UBR3: variants seen among roughly 807,000 people sequenced by gnomAD.
UBR3 encodes the protein ubiquitin protein ligase E3 component n-recognin 3.
A neutral mutation model predicts 243.2 loss-of-function variants in UBR3; 85 were observed. That is an observed-to-expected ratio of 0.35 (90% confidence interval 0.29 to 0.42). The LOEUF (loss-of-function observed/expected upper bound fraction) is 0.42, where lower values mean the gene tolerates loss of function less well. Among genes scored for constraint, UBR3 ranks in the 10% least tolerant of loss-of-function variants. UBR3 has a pLI of 1.00. For missense variants in UBR3, 1,686 were observed against 2,300.8 expected (o/e 0.73, Z 5.47); for synonymous variants, 748 against 799.8 (o/e 0.94, Z 1.09).
intron 20 of UBR3, among the ~76,000 whole-genome samples, chr2:169,945,348 T>C (rs180936231): frequency 1.3e-5 from 2 of 152,270 alleles, no homozygotes; most frequent in Admixed American, 1.3e-4. Context: ...CAGATGAATA[T>C]AGAAGCCCTC....
intron 35 of UBR3, 66 bp downstream of exon 35, chr2:170,061,509 C>T (rs1044916238): frequency 7.0e-5 from 111 of 1,579,398 alleles, no homozygotes; most frequent in Non-Finnish European, 9.0e-5. Flanking sequence ...TCTCTGTTGC[C>T]CAGACTGGAG....
chr2:169,906,095 T>A lies in UBR3; in HGVS notation c.1710T>A (p.Ala570=). 2.6e-6 allele frequency: 4 copies of A among 1,551,704 alleles called. No homozygotes were observed. The South Asian group carries it at 4.8e-5, about 18-fold the overall frequency. Residue 570 remains alanine (A), a synonymous_variant, in exon 10 of 39, where the codon GCT becomes GCA. Transcript: ENST00000272793. ...AATTTGAGTCTCAGACCTACTATGC[T>A]GCCTTTGCTGCTGAACTTGAGGCCT... ...HVEFESQTYY[A]AFAAELEACA...
At chr2:169,961,327 A>G (rs1293948422) in intron 24 of UBR3, among the ~76,000 whole-genome samples, 1 of 151,562 alleles carries the variant, frequency 6.6e-6, no homozygotes, top group Non-Finnish European at 1.5e-5. Flanking sequence ...TTATTGGGGT[A>G]CCAATTCAAG....
intron 31 of UBR3, among the ~76,000 whole-genome samples, chr2:170,035,334 T>G (rs1263970715): frequency 2.0e-5 from 3 of 152,078 alleles, no homozygotes; most frequent in Non-Finnish European, 4.4e-5. Flanking sequence ...TTTAGTTAAT[T>G]TTTGTGAAGG....
chr2:170,073,298 C>CT, intron 35 of UBR3, 130 bp from the exon 36 acceptor site: 5 of 1,028,984 alleles, frequency 4.9e-6, no homozygotes, highest in Non-Finnish European at 7.2e-6. Context: ...ACTCCCTTCA[C>CT]TTTTTTTCAG....
At position 170,082,450 on chromosome 2, in the gene UBR3, T is replaced by C. The variant is rs536072254; in HGVS notation, c.*607T>C. The C allele has an allele frequency of 6.6e-6, 1 of 152,546 alleles. No homozygotes were observed. The highest frequency in any genetic ancestry group is 6.6e-5 in the Admixed American group (1 of 15,258). 9.4% of individuals were successfully genotyped at this position (152,546 alleles called of 1,614,324 possible). A position where few individuals can be genotyped will look rare whatever the true frequency, so the allele number is the denominator to read the frequency against. The stretch of plus-strand genomic sequence containing the variant: ...AAAACTGAATTCATTCTCAGGAATT[T>C]CATAAATCTTCTCCCCAGGTAAATA... On this transcript the variant is annotated 3_prime_UTR_variant, in exon 39 of 39. Coordinates refer to ENST00000272793, the MANE Select transcript of UBR3 (RefSeq NM_172070.4).
At chr2:169,957,862 T>C (rs1323242419) in intron 23 of UBR3, among the ~76,000 whole-genome samples, 1 of 152,220 alleles carries the variant, frequency 6.6e-6, no homozygotes, top group Non-Finnish European at 1.5e-5. Context: ...TGTTTGAGAC[T>C]CCTTCACATT....
At chr2:169,911,289 G>A (rs1466539433) in intron 10 of UBR3, among the ~76,000 whole-genome samples, 2 of 152,028 alleles carry the variant, frequency 1.3e-5, no homozygotes, top group Admixed American at 6.5e-5. Flanking sequence ...GCAACTATAG[G>A]TTACTACAGA....
intron 8 of UBR3, among the ~76,000 whole-genome samples, chr2:169,904,873 G>C (rs1286390540): frequency 6.6e-6 from 1 of 151,984 alleles, no homozygotes; most frequent in Non-Finnish European, 1.5e-5. Context: ...GATATACTAA[G>C]TACTTTTGTT....
intron 21 of UBR3, among the ~76,000 whole-genome samples, chr2:169,946,791 G>A (rs2086805785): frequency 6.6e-6 from 1 of 152,096 alleles, no homozygotes; most frequent in South Asian, 2.1e-4. Flanking sequence ...TAAAACTGAA[G>A]TTAGGACTTA....
intron 24 of UBR3, among the ~76,000 whole-genome samples, chr2:169,969,548 C>CTT (rs199918460): frequency 0.024 from 3,193 of 134,118 alleles, 88 homozygotes; most frequent in African/African-American, 0.056. Flanking sequence ...CCATTTGTGT[C>CTT]TTTTTTTTTT....
chr2:169,885,441 C>T (rs565414692), intron 5 of UBR3, among the ~76,000 whole-genome samples: 3 of 152,186 alleles, frequency 2.0e-5, no homozygotes, highest in South Asian at 4.2e-4. Context: ...ATTAGCCAGG[C>T]GTGGTGGCAC....
At chr2:169,856,519 C>T (rs2082870897) in intron 1 of UBR3, among the ~76,000 whole-genome samples, 1 of 152,108 alleles carries the variant, frequency 6.6e-6, no homozygotes, top group Non-Finnish European at 1.5e-5. Context: ...CGAGATCACG[C>T]CACTGCACTC....
chr2:169,940,373 A>G (rs1483273936), intron 19 of UBR3, among the ~76,000 whole-genome samples: 1 of 152,104 alleles, frequency 6.6e-6, no homozygotes, highest in Non-Finnish European at 1.5e-5. Context: ...CTGAATTTCT[A>G]AGAGCATAGC....
At chr2:169,982,244 G>A (rs1353075264) in intron 24 of UBR3, among the ~76,000 whole-genome samples, 2 of 151,884 alleles carry the variant, frequency 1.3e-5, no homozygotes, top group Admixed American at 6.6e-5. Flanking sequence ...TGAGGGCACC[G>A]AATACATCAT....
intron 13 of UBR3, among the ~76,000 whole-genome samples, chr2:169,924,754 G>A (rs2085841071): frequency 6.6e-6 from 1 of 152,176 alleles, no homozygotes; most frequent in Non-Finnish European, 1.5e-5. Context: ...ACTGCTTGAA[G>A]CCAGGTGTGG....
intron 31 of UBR3, among the ~76,000 whole-genome samples, chr2:170,031,802 C>T (rs976378077): frequency 1.3e-5 from 2 of 152,036 alleles, no homozygotes; most frequent in Non-Finnish European, 2.9e-5. Flanking sequence ...TGCATTAATT[C>T]GCTTAGGATC....
At chr2:169,993,333 C>T (rs1474563765) in intron 25 of UBR3, among the ~76,000 whole-genome samples, 2 of 152,116 alleles carry the variant, frequency 1.3e-5, no homozygotes, top group African/African-American at 4.8e-5. Flanking sequence ...TACACATATA[C>T]ACTTATATCA....
At chr2:169,945,144 G>GT (rs892143523) in intron 20 of UBR3, among the ~76,000 whole-genome samples, 2,017 of 142,244 alleles carry the variant, frequency 0.014, 22 homozygotes, top group African/African-American at 0.035. Context: ...CTTTCTTTTA[G>GT]TTTTTTTTTT....
Sources: allele counts gnomAD v4.1 joint callset (sites outside exome capture counted in the v4.1 genomes callset), GRCh38; gene constraint gnomAD v4.1.1; transcripts MANE v1.5; gene names NCBI Gene and HGNC (gene_info 2026-07-23, HGNC 2026-07-21).